The following PTBP2 variants were observed in gnomAD, a reference collection of about 807,000 sequenced individuals.
PTBP2 encodes polypyrimidine tract-binding protein 2.
Under a neutral mutation model 61.4 loss-of-function variants are expected in PTBP2, and 13 were observed. That is an observed-to-expected ratio of 0.21 (90% CI 0.14 to 0.34). The LOEUF (loss-of-function observed/expected upper bound fraction) is 0.34. PTBP2 is among the 10% of genes least tolerant of loss of function. The pLI, the probability that PTBP2 is intolerant of heterozygous loss-of-function variation, is 1.00. For missense variants in PTBP2, 405 were observed against 642.6 expected (o/e 0.63, Z 4.00); for synonymous variants, 215 against 218.5 (o/e 0.98, Z 0.14).
intron 3 of PTBP2, among the ~76,000 whole-genome samples, 169 bp downstream of exon 3, chr1:96,751,669 A>AC (rs1405493796): frequency 6.6e-6 from 1 of 151,778 alleles, no homozygotes; most frequent in Admixed American, 6.6e-5. Context: ...AAAAAAAAAA[A>AC]AAACCTGAAG....
intron 3 of PTBP2, among the ~76,000 whole-genome samples, chr1:96,767,608 A>G (rs906466702): frequency 6.6e-6 from 1 of 152,156 alleles, no homozygotes; most frequent in African/African-American, 2.4e-5. Flanking sequence ...GTATCAGAAT[A>G]ATATGTGTTC....
chr1:96,746,913 C>CCTTCCTCCCTT (rs1557703408), intron 2 of PTBP2, among the ~76,000 whole-genome samples: 1 of 29,516 alleles, frequency 3.4e-5, no homozygotes, highest in Admixed American at 5.2e-4. Flanking sequence ...CTCCCTCCCT[C>CCTTCCTCCCTT]CCTTCCTTCC....
chr1:96,751,217 T>G (rs1654495637), intron 2 of PTBP2: 1 of 638,674 alleles, frequency 1.6e-6, no homozygotes, highest in Non-Finnish European at 2.8e-6. Flanking sequence ...GGGCTTAGAG[T>G]AAAGAAGGGA....
intron 8 of PTBP2, 104 bp downstream of exon 8, chr1:96,785,358 T>A: frequency 1.1e-6 from 1 of 902,564 alleles, no homozygotes; most frequent in Non-Finnish European, 1.6e-6. Context: ...CAAATTGTGT[T>A]AGGTTTCGTG....
Position 96,771,717 on chromosome 1 carries a change from ATT to A in PTBP2, c.432+872_432+873del, listed in dbSNP as rs1161218453. On this transcript the variant is annotated intron_variant, in intron 5 of 13. Transcript: ENST00000674951. Reference sequence around the variant, plus strand: ...TCTGCTCTTCTTTCTTTTTACTTAGATTTTTTTGCATTTTTAACTTATTTTTA... The same window carrying A: ...TCTGCTCTTCTTTCTTTTTACTTAGATTTTTGCATTTTTAACTTATTTTTA... 2.6e-5 allele frequency among the ~76,000 whole-genome samples: 4 copies of A among 152,094 alleles called. No homozygotes were observed. The East Asian group carries it at 7.7e-4, about 29-fold the overall frequency.
chr1:96,790,935 AAAAC>A (rs1322244625), intron 8 of PTBP2, among the ~76,000 whole-genome samples: 1 of 152,190 alleles, frequency 6.6e-6, no homozygotes, highest in African/African-American at 2.4e-5. Flanking sequence ...TCATGCCCAT[AAAAC>A]AAAGACCAGG....
intron 11 of PTBP2, among the ~76,000 whole-genome samples, chr1:96,807,351 G>A (rs1006264262): frequency 6.6e-6 from 1 of 152,120 alleles, no homozygotes; most frequent in African/African-American, 2.4e-5. Context: ...AAAGTCTTGC[G>A]ATACCAGGTT....
downstream of PTBP2, chr1:96,815,660 TGAAG>T (rs1312519846): frequency 2.6e-5 from 4 of 152,112 alleles, no homozygotes; most frequent in Non-Finnish European, 5.9e-5. Flanking sequence ...AAAAAGTAAA[TGAAG>T]GAACATAAAA....
At chr1:96,806,546 A>G (rs1571020763) in intron 10 of PTBP2, 94 bp downstream of exon 10, 1 of 1,347,372 alleles carries the variant, frequency 7.4e-7, no homozygotes, top group Non-Finnish European at 1.0e-6. Context: ...TTAAAGTTGA[A>G]TAGTAAATCT....
chr1:96,745,538 T>C (rs1473397024), intron 2 of PTBP2, among the ~76,000 whole-genome samples: 1 of 152,196 alleles, frequency 6.6e-6, no homozygotes, highest in Non-Finnish European at 1.5e-5. Flanking sequence ...ATTTTTTCAA[T>C]ATGGATTTTT....
chr1:96,808,598 G>A (rs1661724608), intron 11 of PTBP2, among the ~76,000 whole-genome samples: 1 of 152,134 alleles, frequency 6.6e-6, no homozygotes, highest in South Asian at 2.1e-4. Flanking sequence ...TCAGTTAATA[G>A]TACTTAAATT....
rs1468944905 is a variant in PTBP2, at chr1:96,813,307, A to G, written c.1498A>G (p.Thr500Ala). Reference sequence around the variant, plus strand: ...CAAAATGGCTCTTCTTCAGATGGCAACAGTGGAAGAAGCTATTCAGGCCTT... The same window carrying G: ...CAAAATGGCTCTTCTTCAGATGGCAGCAGTGGAAGAAGCTATTCAGGCCTT... Reference protein sequence around the residue: ...DHKMALLQMATVEEAIQALID... With the variant: ...DHKMALLQMAAVEEAIQALID... The change falls in exon 14 of 14, where the codon ACA becomes GCA. Residue 500 changes from threonine (T) to alanine (A), a missense_variant. Thr to Ala is a moderately conservative substitution (Grantham distance 58). Around this residue, in one of 4 missense-constraint regions of PTBP2, gnomAD observed 21 missense variants for 54.1 expected, o/e 0.39. Coordinates refer to ENST00000674951, the MANE Select transcript of PTBP2 (RefSeq NM_021190.4). The G allele has an allele frequency of 6.2e-7, 1 of 1,607,666 alleles. No homozygotes were observed. The highest frequency in any genetic ancestry group is 8.5e-7 in the Non-Finnish European group (1 of 1,177,866).
intron 8 of PTBP2, among the ~76,000 whole-genome samples, chr1:96,796,135 T>C (rs545798629): frequency 6.6e-6 from 1 of 151,888 alleles, no homozygotes; most frequent in Non-Finnish European, 1.5e-5. Context: ...CCAGAAGAGA[T>C]TTTTTACCAA....
At chr1:96,725,785 T>C (rs1464581621) in intron 2 of PTBP2, among the ~76,000 whole-genome samples, 1 of 151,944 alleles carries the variant, frequency 6.6e-6, no homozygotes, top group East Asian at 1.9e-4. Flanking sequence ...ATGTGCATAT[T>C]TAAAAAAATT....
At position 96,769,180 on chromosome 1, in the gene PTBP2, A is replaced by G. The variant is rs533308458; in HGVS notation, c.116-523A>G. ...CTGCTACACATGTAGGCTATATGGTATATGTAGCCTTTTGCTCCTAGGCAA... is the reference window on the plus strand; with the variant it reads ...CTGCTACACATGTAGGCTATATGGTGTATGTAGCCTTTTGCTCCTAGGCAA... On this transcript the variant is annotated intron_variant, in intron 3 of 13. Coordinates refer to ENST00000674951, the MANE Select transcript of PTBP2 (RefSeq NM_021190.4). Among the ~76,000 whole-genome samples the G allele has an allele frequency of 4.6e-5, 7 of 152,168 alleles. No homozygotes were observed. In the East Asian group the frequency reaches 9.6e-4, roughly 21 times the overall value.
chr1:96,756,820 G>A (rs909228908), intron 3 of PTBP2, among the ~76,000 whole-genome samples: 2 of 152,094 alleles, frequency 1.3e-5, no homozygotes, highest in Non-Finnish European at 2.9e-5. Context: ...AGGATTTTAG[G>A]GTACTGAAAA....
rs1658212707 is a variant in PTBP2, at chr1:96,777,947, G to T, written c.708+1G>T. On this transcript the variant is annotated splice_donor_variant, in intron 7 of 13. Transcript: ENST00000674951. LOFTEE classifies it high-confidence loss of function. ...AGTAAATGCTCAACAAGCAAAACTA[G>T]TAAGTCTTTCTTTTGAGATGGTGAT... 1 of 1,510,818 alleles carries T rather than the reference G, an allele frequency of 6.6e-7. No homozygotes were observed. The highest frequency in any genetic ancestry group is 1.4e-5 in the African/African-American group (1 of 71,600). The allele number at this position is 1,510,818 out of a possible 1,614,324, so 93.6% of individuals were successfully genotyped here. A position where few individuals can be genotyped will look rare whatever the true frequency, so the allele number is the denominator to read the frequency against.
intron 5 of PTBP2, among the ~76,000 whole-genome samples, chr1:96,773,280 C>A (rs1025966761): frequency 9.2e-5 from 14 of 151,974 alleles, no homozygotes; most frequent in Non-Finnish European, 2.1e-4. Context: ...TTATTCCAGA[C>A]AGAAGGAATA....
intron 11 of PTBP2, among the ~76,000 whole-genome samples, chr1:96,809,857 A>G (rs1019574643): frequency 1.3e-5 from 2 of 152,138 alleles, no homozygotes; most frequent in African/African-American, 4.8e-5. Context: ...TAAGAATAAC[A>G]GTGTTACCCC....
Sources: allele counts gnomAD v4.1 joint callset (sites outside exome capture counted in the v4.1 genomes callset), GRCh38; gene constraint gnomAD v4.1.1; regional missense constraint gnomAD v4.1.1; transcripts MANE v1.5; gene names NCBI Gene and HGNC (gene_info 2026-07-23, HGNC 2026-07-21).